GSE1: variants seen among roughly 807,000 people sequenced by gnomAD.
The protein encoded by GSE1 is Gse1 coiled-coil protein, also known as genetic suppressor element 1.
GSE1 carries 32 observed loss-of-function variants against 112.6 expected under a neutral mutation model. That is an observed-to-expected ratio of 0.28 (90% CI 0.21 to 0.38). The LOEUF is 0.38. Among genes scored for constraint, GSE1 ranks in the 10% least tolerant of loss-of-function variants. The probability of loss-of-function intolerance (pLI) is 1.00; values close to 1 mark genes in which losing one functional copy is unlikely to be tolerated. For missense variants in GSE1, 2,348 were observed against 1,699.2 expected, an observed-to-expected ratio of 1.38 and a Z score of -6.71; for synonymous variants, 1,115 against 735.6, an observed-to-expected ratio of 1.52 and a Z score of -8.35.
chr16:85,410,361 GGC>G (rs1416183055), intron 2 of GSE1, among the ~76,000 whole-genome samples: 1 of 50,714 alleles, frequency 2.0e-5, no homozygotes. Flanking sequence ...TTACACTCAG[GGC>G]CCCCCGGATA....
chr16:85,604,766 A>ATATATATATATATATATAT, intron 1 of GSE1, among the ~76,000 whole-genome samples: 3 of 4,812 alleles, frequency 6.2e-4, no homozygotes, highest in African/African-American at 2.8e-3. Flanking sequence ...AAAAAAAAAA[A>ATATATATATATATATATAT]AAAAAAAAAT....
At chr16:85,560,221 C>A (rs1413107851) in intron 1 of GSE1, among the ~76,000 whole-genome samples, 1 of 151,122 alleles carries the variant, frequency 6.6e-6, no homozygotes, top group Non-Finnish European at 1.5e-5. Flanking sequence ...CTGCAACCTC[C>A]GCCTCCCGGG....
Position 85,661,847 on chromosome 16 carries a change from C to A in GSE1, c.2260+82C>A. The stretch of plus-strand genomic sequence containing the variant: ...GAGCCTGCATGCCAGCCACCTGCCC[C>A]TCTCCGTCCACTCCTGCTTTTTGCC... On this transcript the variant is annotated intron_variant, in intron 9 of 15. Transcript: ENST00000253458. 9 of 1,336,726 alleles carry A rather than the reference C, an allele frequency of 6.7e-6. No homozygotes were observed. The South Asian group carries it at 1.4e-4, about 20-fold the overall frequency. The allele number at this position is 1,336,726 out of a possible 1,614,324, so 82.8% of individuals were successfully genotyped here. A position where few individuals can be genotyped will look rare whatever the true frequency, so the allele number is the denominator to read the frequency against.
intron 2 of GSE1, among the ~76,000 whole-genome samples, chr16:85,494,944 C>T (rs986561011): frequency 9.7e-6 from 1 of 102,858 alleles, no homozygotes; most frequent in Non-Finnish European, 2.0e-5. Flanking sequence ...GCATCGGACT[C>T]CTGCTGCTTG....
intron 2 of GSE1, among the ~76,000 whole-genome samples, chr16:85,476,782 T>C (rs915755846): frequency 6.6e-6 from 1 of 151,740 alleles, no homozygotes; most frequent in African/African-American, 2.4e-5. Context: ...CCATTTTTTT[T>C]TTTTTTTTTA....
intron 1 of GSE1, among the ~76,000 whole-genome samples, chr16:85,227,595 C>T (rs1333366746): frequency 2.0e-5 from 3 of 152,158 alleles, no homozygotes; most frequent in Non-Finnish European, 2.9e-5. Context: ...GGGAGAGCAG[C>T]GGGGAGGTTC....
rs1199227060 is a variant in GSE1 at position 85,671,024 on chromosome 16, A to G, written c.3445A>G (p.Thr1149Ala). The G allele has an allele frequency of 6.2e-7, 1 of 1,612,118 alleles. No individual in the cohort carries two copies. The highest frequency in any genetic ancestry group is 1.3e-5 in the African/African-American group (1 of 74,966). Residue 1149 changes from threonine (T) to alanine (A), a missense_variant, in exon 15 of 16, where the codon ACA becomes GCA. Thr to Ala is a moderately conservative substitution (Grantham distance 58). Coordinates refer to ENST00000253458, the MANE Select transcript of GSE1 (RefSeq NM_014615.5). ...AAATCTGGAGCGGCAGGTGTTACAG[A>G]CACAATGTAGACGACTGGAGGCCCG... ...EQNLERQVLQ[T>A]QCRRLEARHY...
chr16:85,661,532 C>G lies in GSE1; in HGVS notation c.2027C>G (p.Ala676Gly). Residue 676 changes from alanine (A) to glycine (G), a missense_variant, in exon 9 of 16, where the codon GCT (alanine) becomes GGT (glycine). Ala to Gly is a moderately conservative substitution (Grantham distance 60). Coordinates refer to ENST00000253458, the MANE Select transcript of GSE1 (RefSeq NM_014615.5). Reference protein sequence around the residue: ...PFLPGPGPFLAELEKSTQTIL... With the variant: ...PFLPGPGPFLGELEKSTQTIL... ...CTGCCCGGGCCCGGGCCCTTCCTGGCTGAGCTCGAGAAGTCCACCCAGACC... is the reference window on the plus strand; with the variant it reads ...CTGCCCGGGCCCGGGCCCTTCCTGGGTGAGCTCGAGAAGTCCACCCAGACC... 1 of 1,612,016 alleles carries G rather than the reference C, an allele frequency of 6.2e-7. No homozygotes were observed. Among genetic ancestry groups the G allele is most frequent in the Non-Finnish European group, 8.5e-7 (1 of 1,179,720 alleles).
At chr16:85,583,780 G>A (rs963499979) in intron 1 of GSE1, among the ~76,000 whole-genome samples, 2 of 152,144 alleles carry the variant, frequency 1.3e-5, no homozygotes, top group African/African-American at 2.4e-5. Context: ...TCCTCCTGTC[G>A]TGCCACGAGA....
At chr16:85,474,844 A>C (rs2050404176) in intron 2 of GSE1, among the ~76,000 whole-genome samples, 1 of 152,048 alleles carries the variant, frequency 6.6e-6, no homozygotes, top group Non-Finnish European at 1.5e-5. Flanking sequence ...TCCGAAAAGA[A>C]TGTTGCTTTT....
intron 2 of GSE1, among the ~76,000 whole-genome samples, chr16:85,477,516 T>C (rs2050495476): frequency 1.3e-5 from 2 of 151,244 alleles, no homozygotes; most frequent in Non-Finnish European, 2.9e-5. Context: ...CCTACTGGGC[T>C]CTCGGTGGTC....
intron 2 of GSE1, among the ~76,000 whole-genome samples, chr16:85,475,131 C>T (rs189569677): frequency 1.3e-5 from 2 of 152,324 alleles, no homozygotes; most frequent in Non-Finnish European, 2.9e-5. Flanking sequence ...CCCTGCTGGC[C>T]CCCTTCTCTT....
chr16:85,637,881 G>A (rs1420543210), intron 2 of GSE1, among the ~76,000 whole-genome samples: 1 of 152,222 alleles, frequency 6.6e-6, no homozygotes, highest in East Asian at 1.9e-4. Context: ...GCGGCCCGCA[G>A]CCAGGGCTGC....
At chr16:85,359,380 C>T (rs755308174) in intron 2 of GSE1, 31 of 455,898 alleles carry the variant, frequency 6.8e-5, no homozygotes, top group Middle Eastern at 3.2e-4. Flanking sequence ...CAGAGTCCTC[C>T]GGAGCAGAAC....
At chr16:85,644,427 G>C (rs913387195) in intron 2 of GSE1, among the ~76,000 whole-genome samples, 1 of 152,258 alleles carries the variant, frequency 6.6e-6, no homozygotes, top group East Asian at 1.9e-4. Context: ...CACCAGCTGA[G>C]GGACGGACCA....
At chr16:85,554,469 G>T (rs373501147), upstream of GSE1, among the ~76,000 whole-genome samples, 3 of 152,308 alleles carry the variant, frequency 2.0e-5, no homozygotes. Context: ...TTGCCTGGAA[G>T]CATGCCTTCC....
In GSE1 at chr16:85,675,433, G is replaced by A. The variant is rs970473916; in HGVS notation, c.*2894G>A. 1 of 152,218 alleles carries A rather than the reference G, an allele frequency of 6.6e-6. No homozygotes were observed. The highest frequency in any genetic ancestry group is 1.5e-5 in the Non-Finnish European group (1 of 68,036). 9.4% of individuals were successfully genotyped at this position (152,218 alleles called of 1,614,324 possible). A position where few individuals can be genotyped will look rare whatever the true frequency, so the allele number is the denominator to read the frequency against. The stretch of plus-strand genomic sequence containing the variant: ...ATCATGTTCCTAATCTGTTGTCTCA[G>A]ATAAGTGACCAAGACGGGACTTTCC... On this transcript the variant is annotated 3_prime_UTR_variant, in exon 16 of 16. Transcript: ENST00000253458.
rs2045890955 is a variant in GSE1 at position 85,569,426 on chromosome 16, G to T, written c.37+13063G>T. On this transcript the variant is annotated intron_variant, in intron 1 of 2. Coordinates refer to the GSE1 transcript ENST00000635906. ...CTTGAGTCCTTGTGTATGAGACTGT[G>T]GGCAAGTTACTGAAACTCTCTGGGC... 2.6e-5 allele frequency among the ~76,000 whole-genome samples: 4 copies of T among 152,254 alleles called. No individual in the cohort carries two copies. The South Asian group carries it at 8.3e-4, about 31-fold the overall frequency.
At chr16:85,302,774 A>G (rs1316385910) in intron 1 of GSE1, among the ~76,000 whole-genome samples, 2 of 152,206 alleles carry the variant, frequency 1.3e-5, no homozygotes, top group Admixed American at 6.5e-5. Context: ...CAGGAGGTCA[A>G]TTCTTGGCCT....
Sources: gnomAD v4.1 joint callset for allele counts (sites outside exome capture counted in the v4.1 genomes callset) on GRCh38, gnomAD v4.1.1 for gene constraint, MANE v1.5 for transcripts, NCBI Gene and HGNC (gene_info 2026-07-23, HGNC 2026-07-21) for gene names.